The following SPATS2 variants were observed in gnomAD, a reference collection of about 807,000 sequenced individuals.
SPATS2 encodes the protein spermatogenesis associated serine rich 2.
Under a neutral mutation model 63.7 loss-of-function variants are expected in SPATS2, and 38 were observed. The observed-to-expected ratio is 0.60, with a 90% confidence interval of 0.46 to 0.78. The LOEUF (loss-of-function observed/expected upper bound fraction) is 0.78, where lower values mean the gene tolerates loss of function less well. Among genes scored for constraint, SPATS2 ranks in the 30% least tolerant of loss-of-function variants. The pLI is 0.00. For synonymous variants in SPATS2, 207 were observed against 232.9 expected, an observed-to-expected ratio of 0.89 and a Z score of 1.01; for missense variants, 588 against 666.2, an observed-to-expected ratio of 0.88 and a Z score of 1.29.
chr12:49,513,237 TTGAG>T (rs1437639621), intron 9 of SPATS2, among the ~76,000 whole-genome samples: 2 of 135,134 alleles, frequency 1.5e-5, no homozygotes, highest in African/African-American at 2.9e-5. Context: ...GTGTGTGTGT[TTGAG>T]TGTGATTACA....
At chr12:49,436,569 A>C (rs1044530652) in intron 2 of SPATS2, among the ~76,000 whole-genome samples, 1 of 87,376 alleles carries the variant, frequency 1.1e-5, no homozygotes. Flanking sequence ...TGACCTCCCC[A>C]CCTCCCTCCC....
At position 49,475,632 on chromosome 12, in the gene SPATS2, G is replaced by A. The variant is rs183583350; in HGVS notation, c.26-8958G>A. On this transcript the variant is annotated intron_variant, in intron 3 of 13. Transcript: ENST00000552918. Reference sequence around the variant, plus strand: ...GTTTTTAAAATATTTTTAGTAGAGAGGGTTTCACCATGTTGGCTAGACTAG... The same window carrying A: ...GTTTTTAAAATATTTTTAGTAGAGAAGGTTTCACCATGTTGGCTAGACTAG... Among the ~76,000 whole-genome samples, 17 of 152,146 alleles carry A rather than the reference G, an allele frequency of 1.1e-4. No homozygotes were observed. In the East Asian group the frequency reaches 2.5e-3, roughly 23 times the overall value.
At chr12:49,498,145 A>AAAAAAAAAT (rs66900382) in intron 8 of SPATS2, among the ~76,000 whole-genome samples, 10 of 98,958 alleles carry the variant, frequency 1.0e-4, no homozygotes, top group Middle Eastern at 9.7e-3. Context: ...AAAAAAAAAA[A>AAAAAAAAAT]ATATATATAT....
intron 3 of SPATS2, among the ~76,000 whole-genome samples, chr12:49,474,431 A>G (rs753281182): frequency 1.5e-4 from 23 of 152,232 alleles, no homozygotes; most frequent in Admixed American, 3.3e-4. Flanking sequence ...TGGAGACAGA[A>G]GCATGCAATT....
At chr12:49,430,127 G>C (rs1041657447) in intron 2 of SPATS2, among the ~76,000 whole-genome samples, 3 of 108,646 alleles carry the variant, frequency 2.8e-5, no homozygotes, top group African/African-American at 1.2e-4. Flanking sequence ...TTGAGACAAA[G>C]TCTCACTCTG....
intron 9 of SPATS2, among the ~76,000 whole-genome samples, chr12:49,502,476 G>T (rs1436738295): frequency 2.0e-5 from 3 of 151,866 alleles, no homozygotes; most frequent in Admixed American, 2.0e-4. Flanking sequence ...TTTGAGACAG[G>T]GTCTGGCTCT....
At chr12:49,372,038 T>G (rs1228975831) in intron 2 of SPATS2, among the ~76,000 whole-genome samples, 1 of 151,684 alleles carries the variant, frequency 6.6e-6, no homozygotes, top group East Asian at 1.9e-4. Flanking sequence ...GTAGGCTTGG[T>G]TACTTTTATT....
intron 8 of SPATS2, among the ~76,000 whole-genome samples, chr12:49,499,783 T>C (rs555322101): frequency 2.6e-5 from 4 of 152,344 alleles, no homozygotes; most frequent in Non-Finnish European, 5.9e-5. Context: ...GGAAAAGTAC[T>C]ACCTGTTACA....
chr12:49,483,665 CGTG>C (rs999319394), intron 3 of SPATS2, among the ~76,000 whole-genome samples: 2 of 152,108 alleles, frequency 1.3e-5, no homozygotes, highest in Non-Finnish European at 2.9e-5. Context: ...AGAGTATTAC[CGTG>C]GTTTTTTTGT....
chr12:49,385,355 TAA>T (rs1491153321), intron 2 of SPATS2, among the ~76,000 whole-genome samples: 74 of 117,942 alleles, frequency 6.3e-4, no homozygotes, highest in African/African-American at 2.2e-3. Flanking sequence ...TGTAAGTATA[TAA>T]GTGTGTGTGT....
intron 2 of SPATS2, among the ~76,000 whole-genome samples, chr12:49,442,240 A>C (rs919400055): frequency 2.6e-5 from 4 of 152,206 alleles, no homozygotes; most frequent in Non-Finnish European, 5.9e-5. Flanking sequence ...AATCACTTAC[A>C]CTTAATAAAT....
At position 49,486,025 on chromosome 12, in the gene SPATS2, C is replaced by CT. The variant is rs375603294; in HGVS notation, c.105+1357dup. 1.9e-3 allele frequency among the ~76,000 whole-genome samples: 293 copies of CT among 152,088 alleles called. 1 individual carries two copies. Among genetic ancestry groups the CT allele is most frequent in the African/African-American group, 6.7e-3 (278 of 41,466 alleles). ...CTGCCTGCCTTGGCCTCCCAAAGTG[C>CT]TGGGATTATAGGCGTGAGCCACTGC... is the stretch of plus-strand genomic sequence containing the variant. On this transcript the variant is annotated intron_variant, in intron 4 of 13. Coordinates refer to ENST00000552918, the MANE Select transcript of SPATS2 (RefSeq NM_023071.4).
intron 6 of SPATS2, among the ~76,000 whole-genome samples, chr12:49,491,608 C>G (rs988394211): frequency 6.6e-6 from 1 of 152,174 alleles, no homozygotes; most frequent in Admixed American, 6.5e-5. Context: ...GTAGAAAGCA[C>G]TCAGGCTATG....
intron 2 of SPATS2, among the ~76,000 whole-genome samples, chr12:49,383,775 T>C (rs1490812723): frequency 6.6e-6 from 1 of 152,218 alleles, no homozygotes; most frequent in Non-Finnish European, 1.5e-5. Context: ...TCCCAATTAA[T>C]GGATATATCT....
intron 9 of SPATS2, among the ~76,000 whole-genome samples, chr12:49,510,804 G>A (rs1373492245): frequency 1.3e-5 from 2 of 152,174 alleles, no homozygotes; most frequent in Non-Finnish European, 2.9e-5. Flanking sequence ...CTAACTGCAT[G>A]TTAGATATCT....
At chr12:49,451,519 CT>C (rs919384424) in intron 2 of SPATS2, among the ~76,000 whole-genome samples, 97 of 152,086 alleles carry the variant, frequency 6.4e-4, no homozygotes, top group African/African-American at 2.3e-3. Flanking sequence ...TAGTTGAATT[CT>C]TTTTAAAAAT....
Position 49,488,378 on chromosome 12 carries a change from C to T in SPATS2, c.106-1087C>T, listed in dbSNP as rs1391767480. Reference sequence around the variant, plus strand: ...AGTCTCAAAAAATATGAAATACAGGCCAGGTGCGGTAGCTCAAAGCCTGTA... The same window carrying T: ...AGTCTCAAAAAATATGAAATACAGGTCAGGTGCGGTAGCTCAAAGCCTGTA... On this transcript the variant is annotated intron_variant, in intron 4 of 13. Transcript: ENST00000552918. Among the ~76,000 whole-genome samples, 3 of 152,046 alleles carry T rather than the reference C, an allele frequency of 2.0e-5. No homozygotes were observed. In the East Asian group the frequency reaches 5.9e-4, roughly 30 times the overall value.
chr12:49,420,213 A>T (rs1422526848), intron 2 of SPATS2, among the ~76,000 whole-genome samples: 1 of 152,164 alleles, frequency 6.6e-6, no homozygotes, highest in African/African-American at 2.4e-5. Context: ...TTGCATTAAA[A>T]TTTTTTTATT....
intron 2 of SPATS2, among the ~76,000 whole-genome samples, chr12:49,374,045 C>G (rs553700971): frequency 2.6e-5 from 4 of 151,916 alleles, no homozygotes; most frequent in Admixed American, 6.6e-5. Flanking sequence ...ATGATCATGT[C>G]ACTGCACTCC....
Sources: gnomAD v4.1 joint callset for allele counts (sites outside exome capture counted in the v4.1 genomes callset) on GRCh38, gnomAD v4.1.1 for gene constraint, MANE v1.5 for transcripts, NCBI Gene and HGNC (gene_info 2026-07-23, HGNC 2026-07-21) for gene names.